The following CSMD1 variants were observed in gnomAD, a reference collection of about 807,000 sequenced individuals.
CSMD1 encodes CUB and Sushi multiple domains 1.
A neutral mutation model predicts 417.5 loss-of-function variants in CSMD1; 213 were observed. That is an observed-to-expected ratio of 0.51 (90% CI 0.46 to 0.57). CSMD1 has a LOEUF of 0.57. CSMD1 is among the 20% of genes least tolerant of loss of function. The pLI is 0.00. For missense variants in CSMD1, 6,923 were observed against 4,529.7 expected (o/e 1.53, Z -15.17); for synonymous variants, 2,862 against 1,736.8 (o/e 1.65, Z -16.11).
intron 42 of CSMD1, among the ~76,000 whole-genome samples, chr8:3,112,806 A>G (rs574816080): frequency 1.3e-5 from 2 of 152,222 alleles, no homozygotes; most frequent in African/African-American, 4.8e-5. Context: ...ATCACATAAG[A>G]TAACAATATT....
intron 3 of CSMD1, among the ~76,000 whole-genome samples, chr8:4,148,964 A>G (rs112971408): frequency 0.22 from 18,337 of 83,894 alleles, 1,939 homozygotes; most frequent in East Asian, 0.4. Flanking sequence ...ATTTCATATT[A>G]ACTTTTTTTT....
In CSMD1 at chr8:3,757,175, C is replaced by A. The variant is rs180815915; in HGVS notation, c.819-3133G>T. On this transcript the variant is annotated intron_variant, in intron 5 of 69. Coordinates refer to ENST00000635120, the MANE Select transcript of CSMD1 (RefSeq NM_033225.6). ...AATCCCCTCTCTACCACCACCTACA[C>A]CCACATCCACTCTTTACCCTCATCT... 1.5e-3 allele frequency among the ~76,000 whole-genome samples: 221 copies of A among 152,278 alleles called. 2 individuals carry two copies. Among genetic ancestry groups the A allele is most frequent in the African/African-American group, 5.0e-3 (207 of 41,554 alleles).
At chr8:2,967,862 A>G (rs1174091150) in intron 57 of CSMD1, among the ~76,000 whole-genome samples, 2 of 152,198 alleles carry the variant, frequency 1.3e-5, no homozygotes, top group Non-Finnish European at 2.9e-5. Flanking sequence ...CTGATTACAT[A>G]GAAATAAAGC....
intron 8 of CSMD1, among the ~76,000 whole-genome samples, chr8:3,600,428 T>A (rs557303518): frequency 2.3e-3 from 346 of 152,320 alleles, no homozygotes; most frequent in Admixed American, 4.8e-3. Flanking sequence ...TTAAGAGGTC[T>A]CTAAACCAGC....
Position 2,941,761 on chromosome 8 carries a change from G to T in CSMD1, c.10535+711C>A, listed in dbSNP as rs139966823. Among the ~76,000 whole-genome samples, 503 of 152,254 alleles carry T rather than the reference G, an allele frequency of 3.3e-3. 1 individual carries two copies. Among genetic ancestry groups the T allele is most frequent in the Non-Finnish European group, 5.3e-3 (363 of 68,006 alleles). ...TTACTACATATAAAGAGCTAAATTT[G>T]TATTTGTTGAAGAAAGAAATCAATG... On this transcript the variant is annotated intron_variant, in intron 69 of 69. Transcript: ENST00000635120.
At chr8:3,257,892 A>T (rs1377964658) in intron 26 of CSMD1, among the ~76,000 whole-genome samples, 1 of 152,112 alleles carries the variant, frequency 6.6e-6, no homozygotes, top group Admixed American at 6.6e-5. Context: ...GGGTTCTGAA[A>T]ATGTTACAAG....
intron 29 of CSMD1, 131 bp downstream of exon 29, chr8:3,219,124 T>C: frequency 1.5e-6 from 1 of 680,246 alleles, no homozygotes; most frequent in African/African-American, 1.8e-5. Flanking sequence ...ACATGTATCT[T>C]CCCAGACAGA....
rs184004042 is a variant in CSMD1, at chr8:4,612,919, T to C, written c.302+24423A>G. Reference sequence around the variant, plus strand: ...TCCTGAACATGATAGGCAGAGATTTTATGTACTAATTATGGGAAGAGCTGA... The same window carrying C: ...TCCTGAACATGATAGGCAGAGATTTCATGTACTAATTATGGGAAGAGCTGA... On this transcript the variant is annotated intron_variant, in intron 2 of 69. Coordinates refer to ENST00000635120, the MANE Select transcript of CSMD1 (RefSeq NM_033225.6). 7.2e-5 allele frequency among the ~76,000 whole-genome samples: 11 copies of C among 152,308 alleles called. No individual in the cohort carries two copies. In the East Asian group the frequency reaches 1.9e-3, roughly 27 times the overall value.
At chr8:3,879,431 C>T (rs1206719452) in intron 5 of CSMD1, among the ~76,000 whole-genome samples, 1 of 152,078 alleles carries the variant, frequency 6.6e-6, no homozygotes, top group Non-Finnish European at 1.5e-5. Context: ...ATGAATCAGT[C>T]CGGTCATTGA....
chr8:4,112,997 C>G (rs1036591851), intron 3 of CSMD1, among the ~76,000 whole-genome samples: 1 of 152,084 alleles, frequency 6.6e-6, no homozygotes, highest in African/African-American at 2.4e-5. Context: ...GTTATTATAT[C>G]TGTTATGGTA....
chr8:4,490,479 C>T (rs1357092021), intron 2 of CSMD1, among the ~76,000 whole-genome samples: 6 of 152,200 alleles, frequency 3.9e-5, no homozygotes, highest in Non-Finnish European at 8.8e-5. Flanking sequence ...ATTACTTTAA[C>T]AATTTAAATT....
chr8:3,273,863 C>A (rs554517687), intron 26 of CSMD1, among the ~76,000 whole-genome samples: 2 of 152,094 alleles, frequency 1.3e-5, no homozygotes, highest in African/African-American at 2.4e-5. Flanking sequence ...TTTTGTGGAT[C>A]CTTTCAAAAA....
intron 9 of CSMD1, among the ~76,000 whole-genome samples, chr8:3,576,104 T>G (rs1045967785): frequency 2.0e-5 from 3 of 152,100 alleles, no homozygotes; most frequent in African/African-American, 7.2e-5. Context: ...TTTAACCCTT[T>G]CTTCAAGTCA....
chr8:4,871,443 C>G (rs1052189425), intron 1 of CSMD1, among the ~76,000 whole-genome samples: 8 of 152,090 alleles, frequency 5.3e-5, no homozygotes, highest in Admixed American at 2.6e-4. Context: ...GCAATTCCCG[C>G]TGAGCCACAT....
chr8:4,761,474 G>T (rs1295316560), intron 1 of CSMD1, among the ~76,000 whole-genome samples: 2 of 151,802 alleles, frequency 1.3e-5, no homozygotes, highest in African/African-American at 4.8e-5. Flanking sequence ...ATAATTTCTA[G>T]TGTGAATACT....
chr8:4,871,807 C>T (rs954641932), intron 1 of CSMD1, among the ~76,000 whole-genome samples: 5 of 152,018 alleles, frequency 3.3e-5, no homozygotes, highest in African/African-American at 9.7e-5. Context: ...TTTGAAAAAC[C>T]TTTCCAGTAA....
intron 3 of CSMD1, among the ~76,000 whole-genome samples, chr8:4,366,257 T>TC (rs1373710512): frequency 2.0e-5 from 3 of 151,634 alleles, no homozygotes. Flanking sequence ...CGTGATTCTT[T>TC]TTTTTTTCTG....
chr8:4,902,507 A>G (rs1804952915), intron 1 of CSMD1, among the ~76,000 whole-genome samples: 1 of 152,194 alleles, frequency 6.6e-6, no homozygotes, highest in South Asian at 2.1e-4. Context: ...TAGTTTGCAA[A>G]GCAAATGTCA....
chr8:4,182,723 G>A (rs1375854231), intron 3 of CSMD1, among the ~76,000 whole-genome samples: 1 of 151,928 alleles, frequency 6.6e-6, no homozygotes, highest in Non-Finnish European at 1.5e-5. Context: ...AAAAAGAACA[G>A]CTATATAAAT....
Sources: allele counts gnomAD v4.1 joint callset (sites outside exome capture counted in the v4.1 genomes callset), GRCh38; gene constraint gnomAD v4.1.1; transcripts MANE v1.5; gene names NCBI Gene and HGNC (gene_info 2026-07-23, HGNC 2026-07-21).